Variants in ZFR2 observed in about 807,000 individuals in gnomAD.
The protein encoded by ZFR2 is zinc finger RNA binding protein 2.
Under a neutral mutation model 105.7 loss-of-function variants are expected in ZFR2, and 104 were observed. The observed-to-expected ratio is 0.98, with a 90% confidence interval of 0.84 to 1.16. The LOEUF (loss-of-function observed/expected upper bound fraction) is 1.16, where lower values mean the gene tolerates loss of function less well. Among genes scored for constraint, ZFR2 ranks in the 50% most tolerant of loss-of-function variants. The pLI is 0.00. For missense variants in ZFR2, 1,425 were observed against 1,355.5 expected (o/e 1.05, Z -0.80); for synonymous variants, 634 against 597.7 (o/e 1.06, Z -0.89).
intron 5 of ZFR2, among the ~76,000 whole-genome samples, chr19:3,828,400 G>A (rs2037975960): frequency 6.6e-6 from 1 of 152,154 alleles, no homozygotes; most frequent in Non-Finnish European, 1.5e-5. Context: ...GGAATTCAAG[G>A]AGTTTCTTTG....
intron 1 of ZFR2, among the ~76,000 whole-genome samples, chr19:3,859,813 T>C (rs1292405715): frequency 6.6e-6 from 1 of 152,260 alleles, no homozygotes; most frequent in East Asian, 1.9e-4. Context: ...GTGGCACTTC[T>C]GTTCACAGGG....
intron 1 of ZFR2, among the ~76,000 whole-genome samples, chr19:3,863,120 C>A (rs983831847): frequency 2.6e-5 from 4 of 152,232 alleles, no homozygotes; most frequent in Non-Finnish European, 4.4e-5. Flanking sequence ...GGGGTTTCCA[C>A]TGGAAGGACC....
At chr19:3,855,469 T>A (rs889241055) in intron 1 of ZFR2, 3 of 1,231,208 alleles carry the variant, frequency 2.4e-6, no homozygotes, top group Non-Finnish European at 3.0e-6. Context: ...GATAAATACT[T>A]CCTGGGTGCT....
intron 1 of ZFR2, chr19:3,855,613 G>C: frequency 2.2e-6 from 1 of 458,330 alleles, no homozygotes; most frequent in Non-Finnish European, 3.5e-6. Context: ...AACGCGATCT[G>C]ATGGTTCTCA....
In ZFR2 at chr19:3,813,768, C is replaced by T. The variant is rs1432023113; in HGVS notation, c.2242+52G>A. 1 of 1,603,796 alleles carries T rather than the reference C, an allele frequency of 6.2e-7. No individual in the cohort carries two copies. Among genetic ancestry groups the T allele is most frequent in the South Asian group, 1.1e-5 (1 of 90,204 alleles). ...GCCCCAGGCCTGGGTGTGGGGAGCG[C>T]CCTGGGGAAGCGTGAGGGGGACAGT... On this transcript the variant is annotated intron_variant, in intron 14 of 18. Coordinates refer to ENST00000262961, the MANE Select transcript of ZFR2 (RefSeq NM_015174.2). The surrounding 1 kb of genome is among the most constrained non-coding windows in gnomAD (Gnocchi z 4.4).
At chr19:3,866,889 C>T (rs2038436250) in intron 1 of ZFR2, among the ~76,000 whole-genome samples, 1 of 152,162 alleles carries the variant, frequency 6.6e-6, no homozygotes, top group African/African-American at 2.4e-5. Context: ...TAGATTCTTT[C>T]CCTAATAGGA....
chr19:3,820,434 G>T, intron 10 of ZFR2, 144 bp from the exon 11 acceptor site: 1 of 785,398 alleles, frequency 1.3e-6, no homozygotes, highest in Non-Finnish European at 2.0e-6. Context: ...CTGCATGGGT[G>T]CCTGCTGTAT....
intron 3 of ZFR2, among the ~76,000 whole-genome samples, chr19:3,832,371 G>A (rs1443974690): frequency 6.6e-6 from 1 of 151,462 alleles, no homozygotes. Flanking sequence ...CACCAGGTTG[G>A]AATGCAGTGG....
intron 13 of ZFR2, among the ~76,000 whole-genome samples, chr19:3,815,391 G>T (rs771052233): frequency 6.6e-6 from 1 of 151,994 alleles, no homozygotes; most frequent in East Asian, 1.9e-4. Context: ...CGCCAGGCCC[G>T]ATTTTTCTTT....
rs2038336830 is a variant in ZFR2, at chr19:3,858,747, G to A, written c.53+10218C>T. Among the ~76,000 whole-genome samples, 2 of 152,248 alleles carry A rather than the reference G, an allele frequency of 1.3e-5. No individual in the cohort carries two copies. The highest frequency in any genetic ancestry group is 2.1e-4 in the South Asian group (1 of 4,830). On this transcript the variant is annotated intron_variant, in intron 1 of 18. Coordinates refer to ENST00000262961, the MANE Select transcript of ZFR2 (RefSeq NM_015174.2). This position sits in a 1 kb window ranked among gnomAD's most constrained non-coding sequence, Gnocchi z 4.3. ...GCAGGAGAATCACTTGAACCTGGGAGGCAGAGGTTGCAGTGAGCTGAGATT... is the reference window on the plus strand; with the variant it reads ...GCAGGAGAATCACTTGAACCTGGGAAGCAGAGGTTGCAGTGAGCTGAGATT...
At chr19:3,831,173 A>C in intron 5 of ZFR2, 130 bp downstream of exon 5, 1 of 1,316,804 alleles carries the variant, frequency 7.6e-7, no homozygotes, top group South Asian at 1.6e-5. Flanking sequence ...TGCATACAAC[A>C]TGCAAGTTAA....
At chr19:3,835,018 G>A (rs1333750726) in intron 1 of ZFR2, 35 bp from the exon 2 acceptor site, 2 of 1,577,608 alleles carry the variant, frequency 1.3e-6, no homozygotes, top group Non-Finnish European at 1.7e-6. Context: ...GCCCCACCAG[G>A]TTAGAGCGAG....
At position 3,834,236 on chromosome 19, in the gene ZFR2, G is replaced by A. The variant is rs917852671; in HGVS notation, c.265-458C>T. On this transcript the variant is annotated intron_variant, in intron 2 of 18. Transcript: ENST00000262961. This position sits in a 1 kb window ranked among gnomAD's most constrained non-coding sequence, Gnocchi z 5.3. ...AGCTGGGAAATTGGAGCATGGTCAC[G>A]GGGGACATCTTTGCGACACCAAGTG... Among the ~76,000 whole-genome samples, 6 of 152,136 alleles carry A rather than the reference G, an allele frequency of 3.9e-5. No individual in the cohort carries two copies. Among genetic ancestry groups the A allele is most frequent in the African/African-American group, 7.2e-5 (3 of 41,412 alleles).
At chr19:3,847,558 A>G (rs548053854) in intron 1 of ZFR2, among the ~76,000 whole-genome samples, 5 of 152,294 alleles carry the variant, frequency 3.3e-5, no homozygotes, top group African/African-American at 1.2e-4. Context: ...GAAAATAAGA[A>G]TATTTGTAAA....
chr19:3,846,040 A>T (rs918666312), intron 1 of ZFR2, among the ~76,000 whole-genome samples: 21 of 152,222 alleles, frequency 1.4e-4, no homozygotes, highest in African/African-American at 4.8e-4. Context: ...GCAATGGCAC[A>T]ATCTTGGCTC....
chr19:3,822,518 C>G (rs576394958), intron 8 of ZFR2, among the ~76,000 whole-genome samples: 2 of 151,858 alleles, frequency 1.3e-5, no homozygotes, highest in African/African-American at 4.8e-5. Flanking sequence ...CCAGCCTGGT[C>G]AACATAGCGA....
intron 1 of ZFR2, among the ~76,000 whole-genome samples, chr19:3,863,121 T>C (rs1015329968): frequency 6.6e-6 from 1 of 152,204 alleles, no homozygotes. Flanking sequence ...GGGTTTCCAC[T>C]GGAAGGACCT....
At chr19:3,851,768 T>C (rs1343106377) in intron 1 of ZFR2, 1 of 153,226 alleles carries the variant, frequency 6.5e-6, no homozygotes, top group Non-Finnish European at 1.5e-5. Context: ...AGGGTAATAA[T>C]ACTTCATGGC....
rs1386301586 is a variant in ZFR2, at chr19:3,825,266, C to A, written c.1177G>T (p.Ala393Ser). 6.4e-7 allele frequency: 1 copy of A among 1,558,468 alleles called. No individual in the cohort carries two copies. The highest frequency in any genetic ancestry group is 8.6e-7 in the Non-Finnish European group (1 of 1,160,654). ...GCCTTCGAGGCCACGGGTCTCTTGG[C>A]CAGCGCTGGCCTGCTCGAGGCACAC... is the stretch of plus-strand genomic sequence containing the variant. ...SVCASSRPALAKRPVASKALC... is the reference protein window; with the variant it reads ...SVCASSRPALSKRPVASKALC... The change falls in exon 7 of 19, where the codon GCC (alanine) becomes TCC (serine). Residue 393 changes from alanine (A) to serine (S), a missense_variant. Transcript: ENST00000262961.
Sources: allele counts gnomAD v4.1 joint callset (sites outside exome capture counted in the v4.1 genomes callset), GRCh38; gene constraint gnomAD v4.1.1; non-coding constraint Gnocchi (gnomAD v3.1); transcripts MANE v1.5; gene names NCBI Gene and HGNC (gene_info 2026-07-23, HGNC 2026-07-21).